NRG2: variants seen among roughly 807,000 people sequenced by gnomAD.
NRG2 encodes the protein neuregulin 2, also known as pro-neuregulin-2, membrane-bound isoform.
NRG2 carries 27 observed loss-of-function variants against 73.9 expected under a neutral mutation model. The ratio of observed to expected loss-of-function variants is 0.37; its 90% confidence interval spans 0.27 to 0.50. NRG2 has a LOEUF of 0.50. NRG2 is among the 20% of genes least tolerant of loss of function. The probability of loss-of-function intolerance (pLI) is 0.96; values close to 1 mark genes in which losing one functional copy is unlikely to be tolerated. For missense variants in NRG2, 1,126 were observed against 1,210.1 expected, an observed-to-expected ratio of 0.93 and a Z score of 1.03; for synonymous variants, 532 against 541.0, an observed-to-expected ratio of 0.98 and a Z score of 0.23.
intron 1 of NRG2, among the ~76,000 whole-genome samples, chr5:139,983,965 T>A (rs1756991006): frequency 6.6e-6 from 1 of 152,178 alleles, no homozygotes; most frequent in African/African-American, 2.4e-5. Context: ...TGCGCCAGGA[T>A]CATAGAAACA....
rs1169149331 is a variant in NRG2, at chr5:139,847,718, T to C, written c.*199A>G. On this transcript the variant is annotated 3_prime_UTR_variant, in exon 10 of 10. Coordinates refer to ENST00000361474, the MANE Select transcript of NRG2 (RefSeq NM_004883.3). ...ATGTTACATATAAATAGTTTCCCTA[T>C]AAAAACGCCTTTGCCGTTAGCTAGT... 2.6e-6 allele frequency: 1 copy of C among 391,200 alleles called. No homozygotes were observed. The highest frequency in any genetic ancestry group is 4.5e-6 in the Non-Finnish European group (1 of 223,640). 24.2% of individuals were successfully genotyped at this position (391,200 alleles called of 1,614,324 possible). A position where few individuals can be genotyped will look rare whatever the true frequency, so the allele number is the denominator to read the frequency against.
intron 1 of NRG2, among the ~76,000 whole-genome samples, chr5:140,035,459 C>T (rs1761440893): frequency 6.6e-6 from 1 of 152,148 alleles, no homozygotes; most frequent in Non-Finnish European, 1.5e-5. Context: ...GATGCAGCTC[C>T]TCTAAAGTAA....
intron 5 of NRG2, among the ~76,000 whole-genome samples, chr5:139,864,006 A>G (rs1343859555): frequency 6.6e-6 from 1 of 152,196 alleles, no homozygotes; most frequent in Non-Finnish European, 1.5e-5. Flanking sequence ...AAGGCTACCT[A>G]CATGGTCCCC....
At chr5:139,858,622 A>G (rs541828349) in intron 5 of NRG2, among the ~76,000 whole-genome samples, 1 of 152,284 alleles carries the variant, frequency 6.6e-6, no homozygotes, top group South Asian at 2.1e-4. Flanking sequence ...AGACATTGAC[A>G]TATCTGCACA....
chr5:139,880,223 G>A (rs1262698150), intron 3 of NRG2, among the ~76,000 whole-genome samples: 1 of 152,190 alleles, frequency 6.6e-6, no homozygotes, highest in Non-Finnish European at 1.5e-5. Context: ...TCAAGGGAAA[G>A]AACCAGGGCC....
chr5:139,848,408 G>C lies in NRG2; in HGVS notation c.2062C>G (p.Arg688Gly). The stretch of plus-strand genomic sequence containing the variant: ...CTGCCGCCGAGCGCGCAGGTCCCGC[G>C]CCGCGGTCCGGGCCCCGCCGCGGGG... ...YYPAAGPGPR[R>G]GTCALGGSLG... is the part of the protein sequence containing the mutation. Residue 688 changes from arginine to glycine, a missense_variant, in exon 10 of 10, where the codon CGC (arginine) becomes GGC (glycine). Coordinates refer to ENST00000361474, the MANE Select transcript of NRG2 (RefSeq NM_004883.3). 4.7e-6 allele frequency: 6 copies of C among 1,267,860 alleles called. No individual in the cohort carries two copies. In the South Asian group the frequency reaches 1.8e-4, roughly 38 times the overall value. The allele number at this position is 1,267,860 out of a possible 1,614,324, so 78.5% of individuals were successfully genotyped here.
At chr5:139,905,551 G>T (rs1765171776) in intron 1 of NRG2, among the ~76,000 whole-genome samples, 1 of 152,234 alleles carries the variant, frequency 6.6e-6, no homozygotes, top group Non-Finnish European at 1.5e-5. Flanking sequence ...CTCCAGGGCT[G>T]TCTGGGGATG....
chr5:139,848,294 G>T lies in NRG2; in HGVS notation c.2176C>A (p.Arg726=). The T allele has an allele frequency of 8.8e-7, 1 of 1,132,240 alleles. No individual in the cohort carries two copies. The highest frequency in any genetic ancestry group is 1.1e-6 in the Non-Finnish European group (1 of 924,356). 70.1% of individuals were successfully genotyped at this position (1,132,240 alleles called of 1,614,324 possible). A position where few individuals can be genotyped will look rare whatever the true frequency, so the allele number is the denominator to read the frequency against. ...CGGGACGCACCGCGCGCGCGCGGCCGCGGCGGCGGCGGGGGCGCGCACTCC... is the reference window on the plus strand; with the variant it reads ...CGGGACGCACCGCGCGCGCGCGGCCTCGGCGGCGGCGGGGGCGCGCACTCC... ...TQECAPPPPP[R]PRARGASRRT... Residue 726 remains arginine, a synonymous_variant, in exon 10 of 10, where the codon CGG becomes AGG. Coordinates refer to ENST00000361474, the MANE Select transcript of NRG2 (RefSeq NM_004883.3).
intron 1 of NRG2, among the ~76,000 whole-genome samples, chr5:139,951,786 A>G (rs1210276952): frequency 6.6e-6 from 1 of 152,022 alleles, no homozygotes; most frequent in African/African-American, 2.4e-5. Flanking sequence ...TAAGCCTTGC[A>G]CCCTCCTATG....
At chr5:139,965,100 C>G (rs1019886748) in intron 1 of NRG2, among the ~76,000 whole-genome samples, 1 of 152,238 alleles carries the variant, frequency 6.6e-6, no homozygotes, top group Non-Finnish European at 1.5e-5. Context: ...ACCTTGTTAA[C>G]CCCTCATGGT....
chr5:139,998,425 A>T (rs1019052062), intron 1 of NRG2, among the ~76,000 whole-genome samples: 1 of 152,210 alleles, frequency 6.6e-6, no homozygotes, highest in African/African-American at 2.4e-5. Flanking sequence ...AGGTATACTC[A>T]GGAAGCCTGT....
At chr5:140,017,031 A>T (rs1477901151) in intron 1 of NRG2, among the ~76,000 whole-genome samples, 1 of 152,236 alleles carries the variant, frequency 6.6e-6, no homozygotes, top group East Asian at 1.9e-4. Context: ...TTAAAAGCTC[A>T]CTATGTGGAG....
In NRG2 at chr5:139,848,284, G is replaced by A. The variant is rs1761146115; in HGVS notation, c.2186C>T (p.Ala729Val). The A allele has an allele frequency of 8.9e-7, 1 of 1,120,734 alleles. No individual in the cohort carries two copies. Among genetic ancestry groups the A allele is most frequent in the Non-Finnish European group, 1.1e-6 (1 of 918,312 alleles). 69.4% of individuals were successfully genotyped at this position (1,120,734 alleles called of 1,614,324 possible). A position where few individuals can be genotyped will look rare whatever the true frequency, so the allele number is the denominator to read the frequency against. The change falls in exon 10 of 10, where the codon GCG (alanine) becomes GTG (valine). Residue 729 changes from alanine to valine, a missense_variant. Physicochemically the swap from Ala to Val is moderately conservative, Grantham distance 64 (BLOSUM62 0). Coordinates refer to ENST00000361474, the MANE Select transcript of NRG2 (RefSeq NM_004883.3). ...CGACGTCCTGCGGGACGCACCGCGC[G>A]CGCGCGGCCGCGGCGGCGGCGGGGG... is the stretch of plus-strand genomic sequence containing the variant. ...CAPPPPPRPR[A>V]RGASRRTSAG...
intron 5 of NRG2, among the ~76,000 whole-genome samples, chr5:139,864,370 C>T (rs1220079159): frequency 6.6e-6 from 1 of 150,894 alleles, no homozygotes; most frequent in Non-Finnish European, 1.5e-5. Flanking sequence ...TTTCTTTCTT[C>T]TCCTTCTTCT....
chr5:140,041,363 G>C (rs1761904221), intron 1 of NRG2, among the ~76,000 whole-genome samples: 1 of 152,206 alleles, frequency 6.6e-6, no homozygotes, highest in African/African-American at 2.4e-5. Flanking sequence ...AATTTGATTT[G>C]AAATATCTTA....
In NRG2 at chr5:139,887,264, G is replaced by T; in HGVS notation, c.872+76C>A. The T allele has an allele frequency of 6.5e-7, 1 of 1,542,776 alleles. No individual in the cohort carries two copies. ...GTCTGGGGGCACAGCCCTGGCCTCTGCCCAGTTCAGGCCACTCCTTCTCGA... is the reference window on the plus strand; with the variant it reads ...GTCTGGGGGCACAGCCCTGGCCTCTTCCCAGTTCAGGCCACTCCTTCTCGA... On this transcript the variant is annotated intron_variant, in intron 2 of 9. Coordinates refer to ENST00000361474, the MANE Select transcript of NRG2 (RefSeq NM_004883.3). This position sits in a 1 kb window ranked among gnomAD's most constrained non-coding sequence, Gnocchi z 4.5.
Position 139,865,027 on chromosome 5 carries a change from C to T in NRG2, c.1189+522G>A. The T allele has an allele frequency of 8.8e-7, 1 of 1,130,280 alleles. No homozygotes were observed. Among genetic ancestry groups the T allele is most frequent in the Non-Finnish European group, 1.4e-6 (1 of 739,788 alleles). The allele number at this position is 1,130,280 out of a possible 1,614,324, so 70.0% of individuals were successfully genotyped here. ...GCGCAGGACACCCTCTACATCTCCC[C>T]CTAGTCTTGCTAAGCAAGGCCCCAT... On this transcript the variant is annotated intron_variant, in intron 5 of 9. Transcript: ENST00000361474. This position sits in a 1 kb window ranked among gnomAD's most constrained non-coding sequence, Gnocchi z 5.2.
At chr5:139,990,972 C>A (rs1020818634) in intron 1 of NRG2, among the ~76,000 whole-genome samples, 2 of 152,038 alleles carry the variant, frequency 1.3e-5, no homozygotes, top group African/African-American at 4.8e-5. Flanking sequence ...TTTAAGCGGT[C>A]TTTTGGTATA....
chr5:139,981,143 C>T (rs1027538702), intron 1 of NRG2, among the ~76,000 whole-genome samples: 42 of 152,214 alleles, frequency 2.8e-4, no homozygotes, highest in African/African-American at 1.0e-3. Context: ...TTGCTGTACA[C>T]GCTCTGAGGT....
Sources: allele counts gnomAD v4.1 joint callset (sites outside exome capture counted in the v4.1 genomes callset), GRCh38; gene constraint gnomAD v4.1.1; non-coding constraint Gnocchi (gnomAD v3.1); transcripts MANE v1.5; gene names NCBI Gene and HGNC (gene_info 2026-07-23, HGNC 2026-07-21).